Variants in TBCD observed in about 807,000 individuals in gnomAD.
TBCD encodes tubulin-specific chaperone D.
Under a neutral mutation model 169.3 loss-of-function variants are expected in TBCD, and 105 were observed. The observed-to-expected ratio is 0.62, with a 90% CI of 0.53 to 0.73. TBCD has a LOEUF of 0.73. TBCD is among the 30% of genes least tolerant of loss of function. The probability of loss-of-function intolerance (pLI) is 0.00; values close to 1 mark genes in which losing one functional copy is unlikely to be tolerated. For missense variants in TBCD, 1,444 were observed against 1,600.1 expected (o/e 0.90, Z 1.66); for synonymous variants, 700 against 643.9 (o/e 1.09, Z -1.32).
intron 7 of TBCD, among the ~76,000 whole-genome samples, chr17:82,796,314 A>G (rs1392804005): frequency 3.9e-5 from 6 of 152,208 alleles, no homozygotes; most frequent in Non-Finnish European, 8.8e-5. Context: ...AATTAGATAC[A>G]TCTGGACTGG....
At chr17:82,877,886 TTTTC>T (rs2058079406) in intron 14 of TBCD, among the ~76,000 whole-genome samples, 1 of 152,214 alleles carries the variant, frequency 6.6e-6, no homozygotes, top group Non-Finnish European at 1.5e-5. Context: ...TTCATAGAGT[TTTTC>T]TGAAATTAAA....
At chr17:82,925,716 G>A (rs532407604) in intron 27 of TBCD, among the ~76,000 whole-genome samples, 2 of 152,174 alleles carry the variant, frequency 1.3e-5, no homozygotes, top group Non-Finnish European at 2.9e-5. Context: ...TCTAAAACTC[G>A]CATGTGGGGG....
At chr17:82,865,141 A>G (rs74000109) in intron 13 of TBCD, among the ~76,000 whole-genome samples, 7,024 of 150,952 alleles carry the variant, frequency 0.047, 539 homozygotes, top group African/African-American at 0.16. Context: ...ACTGCCTCTT[A>G]CCTCCTAGCA....
At chr17:82,926,706 G>T (rs1193573535) in intron 28 of TBCD, among the ~76,000 whole-genome samples, 1 of 152,178 alleles carries the variant, frequency 6.6e-6, no homozygotes, top group African/African-American at 2.4e-5. Flanking sequence ...AGGGACACTG[G>T]GCCCCTTGGA....
intron 13 of TBCD, among the ~76,000 whole-genome samples, chr17:82,846,641 G>A (rs556357108): frequency 1.1e-3 from 170 of 152,340 alleles, no homozygotes; most frequent in Admixed American, 2.0e-3. Context: ...CCTGCCTTCG[G>A]GTTGTCTGGA....
In TBCD at chr17:82,907,917, G is replaced by A. The variant is rs77551200; in HGVS notation, c.1983+96G>A. ...TCCCCAGGCAGGGTCTGCAGTCCTG[G>A]TGGCCACTGTGCTCCATCAGTCCTG... On this transcript the variant is annotated intron_variant, in intron 21 of 38. Transcript: ENST00000355528. 6,097 of 1,329,316 alleles carry A rather than the reference G, an allele frequency of 4.6e-3. 247 individuals carry two copies. In the African/African-American group the frequency reaches 0.079, roughly 17 times the overall value. 82.3% of individuals were successfully genotyped at this position (1,329,316 alleles called of 1,614,324 possible).
chr17:82,868,264 A>G (rs993290122), intron 13 of TBCD, among the ~76,000 whole-genome samples: 33 of 152,282 alleles, frequency 2.2e-4, no homozygotes, highest in African/African-American at 7.2e-4. Context: ...CTGGGCTTGA[A>G]GAAGCTGCAG....
intron 17 of TBCD, 40 bp from the exon 18 acceptor site, chr17:82,900,611 T>C: frequency 1.3e-6 from 2 of 1,548,394 alleles, no homozygotes; most frequent in Non-Finnish European, 1.8e-6. Context: ...GAGTTCTCGT[T>C]CTTCCGCGTC....
At position 82,928,071 on chromosome 17, in the gene TBCD, C is replaced by T. The variant is rs994378120; in HGVS notation, c.2693+83C>T. 4.7e-6 allele frequency: 6 copies of T among 1,285,976 alleles called. No individual in the cohort carries two copies. The Admixed American group carries it at 5.2e-5, about 11-fold the overall frequency. The allele number at this position is 1,285,976 out of a possible 1,614,324, so 79.7% of individuals were successfully genotyped here. Reference sequence around the variant, plus strand: ...GCTGGCGGGGCGGGCGGTCCTGGTGCTCAGTGGCATTTGCACTGCTGGGCA... The same window carrying T: ...GCTGGCGGGGCGGGCGGTCCTGGTGTTCAGTGGCATTTGCACTGCTGGGCA... On this transcript the variant is annotated intron_variant, in intron 30 of 38. Transcript: ENST00000355528.
intron 13 of TBCD, among the ~76,000 whole-genome samples, chr17:82,825,287 T>G (rs2052743660): frequency 6.6e-6 from 1 of 152,128 alleles, no homozygotes; most frequent in African/African-American, 2.4e-5. Context: ...GGCTGTATTC[T>G]TGGGGGTGTG....
intron 12 of TBCD, 57 bp downstream of exon 12, chr17:82,809,839 G>A: frequency 1.3e-6 from 2 of 1,533,280 alleles, no homozygotes; most frequent in Non-Finnish European, 9.0e-7. Flanking sequence ...AGAAGCCCTG[G>A]CTTTCCTTAT....
intron 21 of TBCD, 45 bp downstream of exon 21, chr17:82,907,866 A>C (rs1383413568): frequency 3.1e-6 from 5 of 1,594,976 alleles, no homozygotes; most frequent in Non-Finnish European, 4.3e-6. Context: ...GCATCACAGG[A>C]CCTGCCCCCT....
chr17:82,929,739 G>A, intron 32 of TBCD: 1 of 631,752 alleles, frequency 1.6e-6, no homozygotes. Context: ...CTCTCTTCCT[G>A]CGGCCGCAGC....
At chr17:82,850,266 T>TTGGCTGTGCTGCTGTTGGCTGTGCTGC (rs2055640938) in intron 13 of TBCD, among the ~76,000 whole-genome samples, 1 of 118,970 alleles carries the variant, frequency 8.4e-6, no homozygotes, top group African/African-American at 3.4e-5. Flanking sequence ...GGCTGTGTTG[T>TTGGCTGTGCTGCTGTTGGCTGTGCTGC]TGTTGGCTGT....
Position 82,768,403 on chromosome 17 carries a change from G to T in TBCD, c.436-17G>T, listed in dbSNP as rs755780854. On this transcript the variant is annotated splice_polypyrimidine_tract_variant and intron_variant, in intron 4 of 38. Transcript: ENST00000355528. ...TTTTCAAGCAAGACTCATTCTTCCC[G>T]TGGTTTAATTTTTTAGGCTTGGGAA... 7 of 1,613,616 alleles carry T rather than the reference G, an allele frequency of 4.3e-6. No individual in the cohort carries two copies. The South Asian group carries it at 7.7e-5, about 18-fold the overall frequency.
intron 35 of TBCD, 132 bp from the exon 36 acceptor site, chr17:82,937,917 G>T: frequency 1.3e-6 from 2 of 1,534,432 alleles, no homozygotes; most frequent in Non-Finnish European, 1.7e-6. Flanking sequence ...CTCCGGCTTG[G>T]GGCCCCAGGC....
At chr17:82,865,517 G>A (rs1052620100) in intron 13 of TBCD, 3 of 985,366 alleles carry the variant, frequency 3.0e-6, no homozygotes, top group East Asian at 1.1e-4. Flanking sequence ...CGTGGAGGGT[G>A]TGGCGGGCTG....
chr17:82,913,010 GAC>G (rs1205457413), intron 23 of TBCD: 1 of 152,304 alleles, frequency 6.6e-6, no homozygotes, highest in Non-Finnish European at 1.5e-5. Flanking sequence ...TTTGGATGTA[GAC>G]TTGGTCATTG....
Position 82,837,015 on chromosome 17 carries a change from C to T in TBCD, c.1318+22081C>T, listed in dbSNP as rs1399139812. On this transcript the variant is annotated intron_variant, in intron 13 of 38. Transcript: ENST00000355528. Reference sequence around the variant, plus strand: ...AGTCTCGGGCAGTGGTTTTAGTAACCTTGGATAAACCGACCTCTCAGGCTT... The same window carrying T: ...AGTCTCGGGCAGTGGTTTTAGTAACTTTGGATAAACCGACCTCTCAGGCTT... Among the ~76,000 whole-genome samples, 5 of 152,258 alleles carry T rather than the reference C, an allele frequency of 3.3e-5. No individual in the cohort carries two copies. The East Asian group carries it at 9.6e-4, about 29-fold the overall frequency.
Sources: gnomAD v4.1 joint callset for allele counts (sites outside exome capture counted in the v4.1 genomes callset) on GRCh38, gnomAD v4.1.1 for gene constraint, MANE v1.5 for transcripts, NCBI Gene and HGNC (gene_info 2026-07-23, HGNC 2026-07-21) for gene names.